The following PHLPP1 variants were observed in gnomAD, a reference collection of about 807,000 sequenced individuals.
The protein encoded by PHLPP1 is PH domain leucine-rich repeat-containing protein phosphatase 1.
In PHLPP1, 42 loss-of-function variants were observed where a neutral mutation model predicts 117.2. That is an observed-to-expected ratio of 0.36 (90% CI 0.28 to 0.46). The LOEUF (loss-of-function observed/expected upper bound fraction) is 0.46, where lower values mean the gene tolerates loss of function less well. Ranked by LOEUF, PHLPP1 falls within the 20% of genes least tolerant of loss-of-function variation. PHLPP1 has a pLI of 1.00. For missense variants in PHLPP1, 2,084 were observed against 2,241.9 expected, an observed-to-expected ratio of 0.93 and a Z score of 1.42; for synonymous variants, 1,042 against 970.7, an observed-to-expected ratio of 1.07 and a Z score of -1.37.
intron 10 of PHLPP1, among the ~76,000 whole-genome samples, chr18:62,926,079 A>C (rs1431226541): frequency 6.6e-6 from 1 of 152,204 alleles, no homozygotes; most frequent in African/African-American, 2.4e-5. Flanking sequence ...GTGTTCCTCA[A>C]ATATTTTAAG....
chr18:62,755,720 C>T (rs1444651764), intron 1 of PHLPP1, among the ~76,000 whole-genome samples: 1 of 152,112 alleles, frequency 6.6e-6, no homozygotes, highest in African/African-American at 2.4e-5. Flanking sequence ...ATAAACTGCT[C>T]AGTTTATGGT....
intron 3 of PHLPP1, among the ~76,000 whole-genome samples, chr18:62,840,566 A>C (rs925450399): frequency 6.6e-6 from 1 of 152,180 alleles, no homozygotes; most frequent in South Asian, 2.1e-4. Flanking sequence ...ATTTATATCA[A>C]AGTGGTTTTA....
At chr18:62,916,747 CTTTTTTTTT>C (rs10538704) in intron 9 of PHLPP1, among the ~76,000 whole-genome samples, 1 of 71,090 alleles carries the variant, frequency 1.4e-5, no homozygotes, top group Non-Finnish European at 2.4e-5. Flanking sequence ...TCCTTCTATT[CTTTTTTTTT>C]TTTTTTTTTT....
chr18:62,843,761 A>T (rs35900019), intron 3 of PHLPP1, among the ~76,000 whole-genome samples: 8,639 of 152,300 alleles, frequency 0.057, 340 homozygotes, highest in Middle Eastern at 0.088. Context: ...ACATGCATCC[A>T]GCATGTTTTC....
intron 4 of PHLPP1, among the ~76,000 whole-genome samples, chr18:62,878,705 GCTGA>G (rs1202450726): frequency 2.0e-5 from 3 of 152,032 alleles, no homozygotes; most frequent in Non-Finnish European, 4.4e-5. Flanking sequence ...TTGGGGAAAG[GCTGA>G]CTTTCTAAAT....
intron 1 of PHLPP1, among the ~76,000 whole-genome samples, chr18:62,761,304 C>G (rs1433993142): frequency 6.6e-6 from 1 of 152,124 alleles, no homozygotes; most frequent in Non-Finnish European, 1.5e-5. Flanking sequence ...GTACTGTTCT[C>G]TAAGCAAGGT....
At chr18:62,827,909 GTC>G (rs532870168) in intron 1 of PHLPP1, among the ~76,000 whole-genome samples, 93 of 152,212 alleles carry the variant, frequency 6.1e-4, no homozygotes, top group African/African-American at 2.1e-3. Context: ...TTTTCTTCCA[GTC>G]TCTGGTTCTT....
intron 1 of PHLPP1, among the ~76,000 whole-genome samples, chr18:62,747,445 T>A (rs1250228861): frequency 6.6e-6 from 1 of 151,722 alleles, no homozygotes; most frequent in Non-Finnish European, 1.5e-5. Flanking sequence ...GCCCAGCCGA[T>A]TTTTGTCTTT....
chr18:62,933,566 A>G (rs979845667), intron 10 of PHLPP1, among the ~76,000 whole-genome samples: 1 of 152,222 alleles, frequency 6.6e-6, no homozygotes, highest in Non-Finnish European at 1.5e-5. Flanking sequence ...AGCCATATGC[A>G]GAAGAATGAA....
intron 3 of PHLPP1, among the ~76,000 whole-genome samples, chr18:62,845,065 G>A (rs567313651): frequency 1.9e-4 from 29 of 151,824 alleles, no homozygotes; most frequent in Non-Finnish European, 3.2e-4. Context: ...AAAAGGAAAA[G>A]GCACAGCATG....
rs569202020 is a variant in PHLPP1 at position 62,895,174 on chromosome 18, C to T, written c.2213+17C>T. ...GATGCACAAGTGTGTACTTCAAACC[C>T]CACTGGCGGGTATATCCAGAAGCCC... On this transcript the variant is annotated intron_variant, in intron 5 of 16. Coordinates refer to ENST00000262719, the MANE Select transcript of PHLPP1 (RefSeq NM_194449.4). 22 of 1,609,272 alleles carry T rather than the reference C, an allele frequency of 1.4e-5. No individual in the cohort carries two copies. The African/African-American group carries it at 2.8e-4, about 20-fold the overall frequency.
chr18:62,882,946 T>TA (rs35265223), intron 4 of PHLPP1, among the ~76,000 whole-genome samples: 10,079 of 121,434 alleles, frequency 0.083, 430 homozygotes, highest in Non-Finnish European at 0.11. Flanking sequence ...GACCACATCT[T>TA]AAAAAAAAAA....
chr18:62,911,328 G>T (rs1916946285), intron 8 of PHLPP1, among the ~76,000 whole-genome samples: 1 of 59,412 alleles, frequency 1.7e-5, no homozygotes, highest in African/African-American at 6.5e-5. Flanking sequence ...AAGAGCTTCT[G>T]CACAGCAAAA....
intron 4 of PHLPP1, among the ~76,000 whole-genome samples, chr18:62,861,738 A>G (rs948433418): frequency 1.3e-5 from 2 of 152,224 alleles, no homozygotes; most frequent in Admixed American, 1.3e-4. Context: ...AAGTTTGTGG[A>G]TGTAATTGGA....
chr18:62,782,896 G>A (rs1231720227), intron 1 of PHLPP1, among the ~76,000 whole-genome samples: 1 of 152,060 alleles, frequency 6.6e-6, no homozygotes, highest in African/African-American at 2.4e-5. Flanking sequence ...TTGACTTCCA[G>A]TGGTCTGTTT....
intron 1 of PHLPP1, among the ~76,000 whole-genome samples, chr18:62,826,825 A>G (rs1200447993): frequency 6.6e-6 from 1 of 151,810 alleles, no homozygotes; most frequent in Non-Finnish European, 1.5e-5. Flanking sequence ...ATATGGGGAA[A>G]CCTGTCTCTA....
chr18:62,870,249 T>C (rs1276553907), intron 4 of PHLPP1, among the ~76,000 whole-genome samples: 1 of 152,132 alleles, frequency 6.6e-6, no homozygotes, highest in African/African-American at 2.4e-5. Flanking sequence ...CCCACTTCCA[T>C]TGTCCAAGAA....
intron 13 of PHLPP1, among the ~76,000 whole-genome samples, chr18:62,959,999 C>T (rs1910720639): frequency 6.6e-6 from 1 of 152,060 alleles, no homozygotes; most frequent in Non-Finnish European, 1.5e-5. Flanking sequence ...AAAAAAATGG[C>T]CTACGTGATC....
chr18:62,716,580 C>G lies in PHLPP1; in HGVS notation c.897C>G (p.Pro299=). 2 of 1,215,584 alleles carry G rather than the reference C, an allele frequency of 1.6e-6. No homozygotes were observed. The highest frequency in any genetic ancestry group is 2.0e-6 in the Non-Finnish European group (2 of 977,912). 75.3% of individuals were successfully genotyped at this position (1,215,584 alleles called of 1,614,324 possible). The change falls in exon 1 of 17, where the codon CCC becomes CCG. Residue 299 remains proline, a synonymous_variant. Transcript: ENST00000262719. This position sits in a 1 kb window ranked among gnomAD's most constrained non-coding sequence, Gnocchi z 5.7. Reference sequence around the variant, plus strand: ...TCGGGGGGCCTCCGCGCGCGCCCCCCGCCGACCTACCCCTGCCCGTCGGCG... The same window carrying G: ...TCGGGGGGCCTCCGCGCGCGCCCCCGGCCGACCTACCCCTGCCCGTCGGCG... ...GAFGGPPRAP[P]ADLPLPVGGP...
Sources: gnomAD v4.1 joint callset for allele counts (sites outside exome capture counted in the v4.1 genomes callset) on GRCh38, gnomAD v4.1.1 for gene constraint, Gnocchi (gnomAD v3.1) non-coding constraint, MANE v1.5 for transcripts, NCBI Gene and HGNC (gene_info 2026-07-23, HGNC 2026-07-21) for gene names.